Variants in NEK10 observed in about 807,000 individuals in gnomAD.
NEK10 encodes NIMA related kinase 10.
In NEK10, 122 loss-of-function variants were observed where a neutral mutation model predicts 159.8. The observed-to-expected ratio is 0.76, with a 90% confidence interval of 0.66 to 0.89. NEK10 has a LOEUF of 0.89. NEK10 is among the 40% of genes least tolerant of loss of function. The pLI, the probability that NEK10 is intolerant of heterozygous loss-of-function variation, is 0.00. For synonymous variants in NEK10, 466 were observed against 457.1 expected (o/e 1.02, Z -0.25); for missense variants, 1,342 against 1,323.1 (o/e 1.01, Z -0.22).
chr3:27,368,108 CATGGTGA>C (rs2049231962), intron 1 of NEK10, among the ~76,000 whole-genome samples: 1 of 152,044 alleles, frequency 6.6e-6, no homozygotes, highest in African/African-American at 2.4e-5. Flanking sequence ...GCCTGACCAA[CATGGTGA>C]AACCCCTTCT....
intron 23 of NEK10, among the ~76,000 whole-genome samples, chr3:27,246,296 G>A (rs1057201464): frequency 1.3e-5 from 2 of 152,116 alleles, no homozygotes; most frequent in African/African-American, 4.8e-5. Flanking sequence ...ATGGGGGTTT[G>A]TTGCAGATTA....
At chr3:27,269,862 T>C (rs1429813674) in intron 22 of NEK10, among the ~76,000 whole-genome samples, 1 of 152,228 alleles carries the variant, frequency 6.6e-6, no homozygotes, top group African/African-American at 2.4e-5. Flanking sequence ...TGTTCCTGTC[T>C]CATGAATGAG....
chr3:27,160,226 G>T (rs1307184000), intron 30 of NEK10, among the ~76,000 whole-genome samples: 1 of 152,032 alleles, frequency 6.6e-6, no homozygotes, highest in Non-Finnish European at 1.5e-5. Flanking sequence ...ATGACACCTT[G>T]GTCCAAACGT....
chr3:27,239,387 G>A (rs2149251804), intron 23 of NEK10, among the ~76,000 whole-genome samples: 1 of 152,264 alleles, frequency 6.6e-6, no homozygotes, highest in East Asian at 1.9e-4. Context: ...CCCAATGGAA[G>A]GGAAGCTCCA....
Position 27,269,199 on chromosome 3 carries a change from A to G in NEK10, c.2015-12828T>C, listed in dbSNP as rs150083326. ...AGATGCTGTGAACGTTGTTAAAATG[A>G]CAAGAAAAGATTTAGAATATTCCAT... On this transcript the variant is annotated intron_variant, in intron 22 of 35. Transcript: ENST00000691995. Among the ~76,000 whole-genome samples the G allele has an allele frequency of 1.9e-3, 289 of 152,280 alleles. 1 individual carries two copies. Among genetic ancestry groups the G allele is most frequent in the African/African-American group, 6.6e-3 (273 of 41,586 alleles).
intron 1 of NEK10, among the ~76,000 whole-genome samples, chr3:27,361,844 G>A (rs1575937474): frequency 6.6e-6 from 1 of 151,884 alleles, no homozygotes; most frequent in East Asian, 1.9e-4. Context: ...TTTATTTCAA[G>A]TGCATTTTAT....
At chr3:27,262,990 T>C (rs1455285705) in intron 22 of NEK10, among the ~76,000 whole-genome samples, 4 of 152,192 alleles carry the variant, frequency 2.6e-5, no homozygotes, top group Admixed American at 2.6e-4. Context: ...GACGTACAGA[T>C]GGGGTTTTGG....
chr3:27,367,317 A>G (rs796303125), intron 1 of NEK10, among the ~76,000 whole-genome samples: 35 of 152,300 alleles, frequency 2.3e-4, no homozygotes, highest in African/African-American at 8.4e-4. Flanking sequence ...AAACCCATGT[A>G]TGTATGACTC....
rs1436702137 is a variant in NEK10, at chr3:27,119,833, G to A, written c.3117C>T (p.Asn1039=). 7.4e-6 allele frequency: 12 copies of A among 1,613,862 alleles called. No individual in the cohort carries two copies. Among genetic ancestry groups the A allele is most frequent in the South Asian group, 4.4e-5 (4 of 91,094 alleles). Residue 1039 remains asparagine (N), a synonymous_variant, in exon 33 of 36, where the codon AAC becomes AAT. Coordinates refer to ENST00000691995, the MANE Select transcript of NEK10 (RefSeq NM_001394966.1). ...SQGSPEPIEP[N]FFTADYHLLH... is the part of the protein sequence containing the mutation. ...ATAAATGGTAATCTGCTGTGAAAAA[G>A]TTGGGCTCAATCGGTTCTGGAGATC... is the stretch of plus-strand genomic sequence containing the variant.
intron 23 of NEK10, among the ~76,000 whole-genome samples, chr3:27,213,305 A>G (rs1951181335): frequency 6.6e-6 from 1 of 152,226 alleles, no homozygotes; most frequent in Non-Finnish European, 1.5e-5. Context: ...TAAAGAAAGA[A>G]GGGGTTTCAG....
Position 27,304,826 on chromosome 3 carries a change from G to C in NEK10, c.949C>G (p.Gln317Glu), listed in dbSNP as rs1211364252. The change falls in exon 12 of 36, where the codon CAG becomes GAG. Residue 317 changes from glutamine (Q) to glutamate (E), a missense_variant. By Grantham distance (29) the Gln-to-Glu change is conservative. Transcript: ENST00000691995. ...LLWSIVWILVQVCEDPETSVE... is the reference protein window; with the variant it reads ...LLWSIVWILVEVCEDPETSVE... ...CTGGTCTCAGGGTCCTCACAAACCT[G>C]TACCAGAATCCAGACAATGCTCCAG... 6.2e-7 allele frequency: 1 copy of C among 1,613,856 alleles called. No homozygotes were observed. Among genetic ancestry groups the C allele is most frequent in the East Asian group, 2.2e-5 (1 of 44,872 alleles).
intron 23 of NEK10, among the ~76,000 whole-genome samples, chr3:27,203,822 T>C (rs1006465111): frequency 4.6e-5 from 7 of 152,202 alleles, no homozygotes; most frequent in South Asian, 4.1e-4. Flanking sequence ...ATTTATAGTA[T>C]GTATTTGCAA....
rs369810720 is a variant in NEK10 at position 27,119,913 on chromosome 3, G to A, written c.3082-45C>T. The A allele has an allele frequency of 6.4e-5, 89 of 1,390,848 alleles. No homozygotes were observed. In the African/African-American group the frequency reaches 1.2e-3, roughly 18 times the overall value. The allele number at this position is 1,390,848 out of a possible 1,614,324, so 86.2% of individuals were successfully genotyped here. A position where few individuals can be genotyped will look rare whatever the true frequency, so the allele number is the denominator to read the frequency against. On this transcript the variant is annotated intron_variant, in intron 32 of 35. Coordinates refer to ENST00000691995, the MANE Select transcript of NEK10 (RefSeq NM_001394966.1). The stretch of plus-strand genomic sequence containing the variant: ...ATCACATCTTAGTTTACACTCAGAA[G>A]GAAATGGCAGGAGACCTCTGTGTGG...
At chr3:27,126,420 T>C (rs1941950450) in intron 32 of NEK10, among the ~76,000 whole-genome samples, 1 of 152,174 alleles carries the variant, frequency 6.6e-6, no homozygotes, top group African/African-American at 2.4e-5. Flanking sequence ...GGGTCCAGGA[T>C]ACAATTGCAT....
At chr3:27,166,051 A>G (rs951524118) in intron 29 of NEK10, among the ~76,000 whole-genome samples, 1 of 152,252 alleles carries the variant, frequency 6.6e-6, no homozygotes, top group Non-Finnish European at 1.5e-5. Context: ...AACCTTATGA[A>G]ATGAGAGGTT....
At chr3:27,151,777 G>T (rs964033724) in intron 30 of NEK10, among the ~76,000 whole-genome samples, 2 of 152,192 alleles carry the variant, frequency 1.3e-5, no homozygotes, top group African/African-American at 4.8e-5. Context: ...AGTGAAGGGA[G>T]AAATATTCAG....
At chr3:27,257,887 C>A (rs1330545875) in intron 22 of NEK10, among the ~76,000 whole-genome samples, 5 of 148,828 alleles carry the variant, frequency 3.4e-5, no homozygotes, top group African/African-American at 1.3e-4. Context: ...CTGCCGGGTT[C>A]ACGCCATTCT....
Position 27,304,866 on chromosome 3 carries a change from G to A in NEK10, c.909C>T (p.Asp303=). 6.2e-7 allele frequency: 1 copy of A among 1,613,412 alleles called. No homozygotes were observed. The highest frequency in any genetic ancestry group is 1.1e-5 in the South Asian group (1 of 91,062). Residue 303 remains aspartate, a synonymous_variant, in exon 12 of 36, where the codon GAC becomes GAT. Coordinates refer to ENST00000691995, the MANE Select transcript of NEK10 (RefSeq NM_001394966.1). ...CAATGCTCCAGAGGAGCTTCAAGTG[G>A]TCAGAGTGGAGCAGACTGAGGAGGA... ...IPVLLSLLHS[D]HLKLLWSIVW...
At chr3:27,164,541 ATCT>A (rs1946311523) in intron 29 of NEK10, among the ~76,000 whole-genome samples, 1 of 152,250 alleles carries the variant, frequency 6.6e-6, no homozygotes, top group African/African-American at 2.4e-5. Flanking sequence ...ACAAATTGAA[ATCT>A]TATTATTTTA....
Sources: gnomAD v4.1 joint callset for allele counts (sites outside exome capture counted in the v4.1 genomes callset) on GRCh38, gnomAD v4.1.1 for gene constraint, MANE v1.5 for transcripts, NCBI Gene and HGNC (gene_info 2026-07-23, HGNC 2026-07-21) for gene names.